PAMR1: variants seen among roughly 807,000 people sequenced by gnomAD.
PAMR1 encodes inactive serine protease PAMR1.
A neutral mutation model predicts 81.8 loss-of-function variants in PAMR1; 88 were observed. The observed-to-expected ratio is 1.08, with a 90% CI of 0.91 to 1.28. PAMR1 has a LOEUF of 1.28. PAMR1 is among the 50% of genes most tolerant of loss of function. PAMR1 has a pLI of 0.00. For synonymous variants in PAMR1, 336 were observed against 345.3 expected, an observed-to-expected ratio of 0.97 and a Z score of 0.30; for missense variants, 935 against 919.7, an observed-to-expected ratio of 1.02 and a Z score of -0.21.
chr11:35,504,270 G>A (rs1470961875), intron 1 of PAMR1, among the ~76,000 whole-genome samples: 1 of 152,066 alleles, frequency 6.6e-6, no homozygotes, highest in Non-Finnish European at 1.5e-5. Context: ...GTTGAATTCA[G>A]TTCGCTAGCA....
intron 1 of PAMR1, among the ~76,000 whole-genome samples, chr11:35,516,958 A>G (rs1042448791): frequency 2.0e-5 from 3 of 152,172 alleles, no homozygotes; most frequent in Non-Finnish European, 4.4e-5. Context: ...GGAAGGGGAA[A>G]AAAGAGGTGG....
chr11:35,498,288 T>G (rs1850765106), intron 1 of PAMR1, among the ~76,000 whole-genome samples: 1 of 152,178 alleles, frequency 6.6e-6, no homozygotes, highest in Non-Finnish European at 1.5e-5. Context: ...ACAAATTGGT[T>G]AGAGGCTCAA....
At chr11:35,489,111 C>T (rs2135397233) in intron 3 of PAMR1, among the ~76,000 whole-genome samples, 1 of 152,240 alleles carries the variant, frequency 6.6e-6, no homozygotes, top group Non-Finnish European at 1.5e-5. Context: ...CCATGGTGCT[C>T]TGTTCACCTC....
intron 3 of PAMR1, among the ~76,000 whole-genome samples, chr11:35,479,142 C>T (rs1850336334): frequency 6.6e-6 from 1 of 152,182 alleles, no homozygotes; most frequent in African/African-American, 2.4e-5. Context: ...GACACACACA[C>T]TTCTAAGAAG....
intron 6 of PAMR1, among the ~76,000 whole-genome samples, chr11:35,456,719 T>C (rs1401474842): frequency 2.6e-5 from 4 of 152,206 alleles, no homozygotes; most frequent in African/African-American, 9.7e-5. Flanking sequence ...CTGCATAGCA[T>C]GTTTCAAACC....
At chr11:35,519,722 T>C (rs934843533) in intron 1 of PAMR1, among the ~76,000 whole-genome samples, 2 of 152,198 alleles carry the variant, frequency 1.3e-5, no homozygotes, top group Admixed American at 6.5e-5. Flanking sequence ...GGTGAGAACA[T>C]GACTTGACAC....
intron 1 of PAMR1, among the ~76,000 whole-genome samples, chr11:35,503,289 T>C (rs1422485218): frequency 6.6e-6 from 1 of 151,974 alleles, no homozygotes; most frequent in African/African-American, 2.4e-5. Context: ...CCAGCTTTTT[T>C]TTTTTTTTTC....
rs190593574 is a variant in PAMR1, at chr11:35,435,422, G to A, written c.1333+481C>T. Among the ~76,000 whole-genome samples the A allele has an allele frequency of 4.6e-5, 7 of 152,136 alleles. No homozygotes were observed. In the East Asian group the frequency reaches 1.4e-3, roughly 29 times the overall value. On this transcript the variant is annotated intron_variant, in intron 9 of 10. Coordinates refer to ENST00000619888, the MANE Select transcript of PAMR1 (RefSeq NM_001001991.3). ...GGGGTTTCACCATGTTGGCCAGGCTGGTCTCGAGCTCCTGACCTCAAATGA... is the reference window on the plus strand; with the variant it reads ...GGGGTTTCACCATGTTGGCCAGGCTAGTCTCGAGCTCCTGACCTCAAATGA...
chr11:35,510,395 T>C (rs1851050297), intron 1 of PAMR1, among the ~76,000 whole-genome samples: 2 of 152,154 alleles, frequency 1.3e-5, no homozygotes, highest in Admixed American at 6.5e-5. Flanking sequence ...CATTAGAGTA[T>C]CCTACAGAGT....
intron 1 of PAMR1, among the ~76,000 whole-genome samples, chr11:35,506,116 T>G (rs1465641855): frequency 6.8e-6 from 1 of 145,998 alleles, no homozygotes; most frequent in Non-Finnish European, 1.5e-5. Flanking sequence ...CTTAGATCAC[T>G]AAAAAAAAAA....
intron 7 of PAMR1, 135 bp downstream of exon 7, chr11:35,441,346 C>A: frequency 1.5e-6 from 1 of 683,762 alleles, no homozygotes; most frequent in Non-Finnish European, 2.6e-6. Context: ...TTTCCAACCT[C>A]AGAGATATAT....
At chr11:35,501,157 G>T (rs1359731467) in intron 1 of PAMR1, among the ~76,000 whole-genome samples, 1 of 144,362 alleles carries the variant, frequency 6.9e-6, no homozygotes, top group Non-Finnish European at 1.5e-5. Flanking sequence ...TTGAGACAGG[G>T]TCTCACTCTG....
rs189170923 is a variant in PAMR1, at chr11:35,439,934, G to A, written c.1034-241C>T. On this transcript the variant is annotated intron_variant, in intron 7 of 10. Transcript: ENST00000619888. ...GAAGAGCAGATGCCTCTGAAAGGCT[G>A]CCCCACCTGAGTGATTTGGGACAAT... is the stretch of plus-strand genomic sequence containing the variant. 2.2e-3 allele frequency among the ~76,000 whole-genome samples: 334 copies of A among 152,262 alleles called. 1 individual carries two copies. Among genetic ancestry groups the A allele is most frequent in the African/African-American group, 7.6e-3 (315 of 41,552 alleles).
intron 1 of PAMR1, among the ~76,000 whole-genome samples, chr11:35,509,267 A>G (rs1851031651): frequency 6.6e-6 from 1 of 152,248 alleles, no homozygotes; most frequent in South Asian, 2.1e-4. Context: ...ATTTTGAGAA[A>G]TATTTCAAGT....
chr11:35,439,827 G>A, intron 7 of PAMR1, 134 bp from the exon 8 acceptor site: 2 of 706,786 alleles, frequency 2.8e-6, no homozygotes, highest in East Asian at 5.2e-5. Flanking sequence ...GGCAAGACAT[G>A]TCAGCCAAGC....
intron 3 of PAMR1, among the ~76,000 whole-genome samples, chr11:35,476,992 G>A (rs1457450643): frequency 6.6e-6 from 1 of 152,002 alleles, no homozygotes; most frequent in Non-Finnish European, 1.5e-5. Context: ...TTGCACCACT[G>A]CACTCCAGCC....
intron 6 of PAMR1, among the ~76,000 whole-genome samples, chr11:35,446,879 C>T (rs1045217273): frequency 1.2e-4 from 18 of 152,136 alleles, no homozygotes; most frequent in African/African-American, 4.3e-4. Flanking sequence ...AGTTCAAGTC[C>T]TGAATATCTT....
chr11:35,488,643 T>C (rs1162144996), intron 3 of PAMR1, among the ~76,000 whole-genome samples: 2 of 149,324 alleles, frequency 1.3e-5, no homozygotes, highest in Admixed American at 6.7e-5. Flanking sequence ...ATTCTTTTTG[T>C]CCATTTTTCA....
At position 35,468,242 on chromosome 11, in the gene PAMR1, A is replaced by G. The variant is rs1331416549; in HGVS notation, c.713-134T>C. ...GTTTTTTCTTCCCTTTACTGAATTCATGTTATGATTATTTGAAAATGCCTA... is the reference window on the plus strand; with the variant it reads ...GTTTTTTCTTCCCTTTACTGAATTCGTGTTATGATTATTTGAAAATGCCTA... On this transcript the variant is annotated intron_variant, in intron 5 of 10. Transcript: ENST00000619888. The G allele has an allele frequency of 1.4e-5, 8 of 585,634 alleles. No homozygotes were observed. The Admixed American group carries it at 2.4e-4, about 18-fold the overall frequency. The allele number at this position is 585,634 out of a possible 1,614,324, so 36.3% of individuals were successfully genotyped here.
Sources: gnomAD v4.1 joint callset for allele counts (sites outside exome capture counted in the v4.1 genomes callset) on GRCh38, gnomAD v4.1.1 for gene constraint, MANE v1.5 for transcripts, NCBI Gene and HGNC (gene_info 2026-07-23, HGNC 2026-07-21) for gene names.